Variants in FAHD2A observed in about 807,000 individuals in gnomAD.
FAHD2A encodes oxaloacetate tautomerase FAHD2A, mitochondrial.
Under a neutral mutation model 33.4 loss-of-function variants are expected in FAHD2A, and 27 were observed. That is an observed-to-expected ratio of 0.81 (90% CI 0.60 to 1.11). The LOEUF is 1.11. Ranked by LOEUF, FAHD2A falls within the 50% of genes most tolerant of loss-of-function variation. The pLI, the probability that FAHD2A is intolerant of heterozygous loss-of-function variation, is 0.00. For missense variants in FAHD2A, 296 were observed against 395.0 expected (o/e 0.75, Z 2.12); for synonymous variants, 130 against 153.3 (o/e 0.85, Z 1.12).
chr2:95,411,730 C>T (rs1682547353), intron 5 of FAHD2A, among the ~76,000 whole-genome samples: 1 of 152,246 alleles, frequency 6.6e-6, no homozygotes, highest in Non-Finnish European at 1.5e-5. Flanking sequence ...CCCCTGCCAG[C>T]ATCCAGTACA....
intron 1 of FAHD2A, among the ~76,000 whole-genome samples, chr2:95,404,932 T>C (rs1167243401): frequency 6.6e-6 from 1 of 152,222 alleles, no homozygotes; most frequent in East Asian, 1.9e-4. Flanking sequence ...GACAGCCTGG[T>C]AGAGGTTCTA....
chr2:95,406,646 G>A (rs1681606932), intron 2 of FAHD2A, among the ~76,000 whole-genome samples: 1 of 152,154 alleles, frequency 6.6e-6, no homozygotes, highest in Admixed American at 6.5e-5. Context: ...AAGAGCCAGG[G>A]GAACGGGGTA....
At chr2:95,417,404 C>T (rs1292253266), downstream of FAHD2A, among the ~76,000 whole-genome samples, 3 of 152,050 alleles carry the variant, frequency 2.0e-5, no homozygotes, top group East Asian at 1.9e-4. Flanking sequence ...AGGCAAATTC[C>T]ACCATTCAGC....
chr2:95,411,111 T>A (rs1478943995), intron 5 of FAHD2A, 85 bp downstream of exon 5: 5 of 1,563,178 alleles, frequency 3.2e-6, no homozygotes, highest in Non-Finnish European at 4.3e-6. Context: ...CAGGTACATG[T>A]GGCACCTGCC....
At chr2:95,412,381 G>A in intron 5 of FAHD2A, 53 bp from the exon 6 acceptor site, 1 of 1,607,404 alleles carries the variant, frequency 6.2e-7, no homozygotes, top group Non-Finnish European at 8.5e-7. Context: ...TAAAATATTG[G>A]GGGGTTTGAG....
At chr2:95,408,707 G>A (rs1167221925) in intron 3 of FAHD2A, among the ~76,000 whole-genome samples, 3 of 152,216 alleles carry the variant, frequency 2.0e-5, no homozygotes, top group Non-Finnish European at 4.4e-5. Flanking sequence ...CCCATAGCAC[G>A]TTAGAATTAT....
chr2:95,414,199 A>G lies in FAHD2A; in HGVS notation c.*1242A>G. ...TGTCCGGCAGGGGGCAGCAGCCACCAGCAAACACCACTGCCTGCAGGAGCC... is the reference window on the plus strand; with the variant it reads ...TGTCCGGCAGGGGGCAGCAGCCACCGGCAAACACCACTGCCTGCAGGAGCC... On this transcript the variant is annotated 3_prime_UTR_variant, in exon 8 of 8. Coordinates refer to ENST00000233379, the MANE Select transcript of FAHD2A (RefSeq NM_016044.3). 1.3e-6 allele frequency: 2 copies of G among 1,587,938 alleles called. No individual in the cohort carries two copies. Among genetic ancestry groups the G allele is most frequent in the Non-Finnish European group, 1.7e-6 (2 of 1,168,442 alleles).
chr2:95,406,745 C>T (rs1363302953), intron 2 of FAHD2A, among the ~76,000 whole-genome samples, 196 bp from the exon 3 acceptor site: 2 of 152,174 alleles, frequency 1.3e-5, no homozygotes, highest in Non-Finnish European at 2.9e-5. Flanking sequence ...AGGAAATCAA[C>T]ACTGGATAAA....
At chr2:95,407,270 ACT>A (rs898047618) in intron 3 of FAHD2A, 113 bp downstream of exon 3, 15 of 1,480,810 alleles carry the variant, frequency 1.0e-5, no homozygotes, top group Middle Eastern at 2.5e-4. Context: ...TTCAGCAGAA[ACT>A]CTACAGGATT....
chr2:95,413,236 A>C lies in FAHD2A; in HGVS notation c.*279A>C, dbSNP rs1682819359. The C allele has an allele frequency of 7.5e-6, 9 of 1,203,526 alleles. No individual in the cohort carries two copies. The South Asian group carries it at 1.5e-4, about 20-fold the overall frequency. The allele number at this position is 1,203,526 out of a possible 1,614,324, so 74.6% of individuals were successfully genotyped here. A position where few individuals can be genotyped will look rare whatever the true frequency, so the allele number is the denominator to read the frequency against. On this transcript the variant is annotated 3_prime_UTR_variant, in exon 8 of 8. Coordinates refer to ENST00000233379, the MANE Select transcript of FAHD2A (RefSeq NM_016044.3). ...GAGAGCAAATACACACACATATGCC[A>C]AAAAGATGCTGCTGGGCTGGGGAAA... is the stretch of plus-strand genomic sequence containing the variant.
At position 95,410,950 on chromosome 2, in the gene FAHD2A, A is replaced by G. The variant is rs1573573081; in HGVS notation, c.609A>G (p.Lys203=). 1 of 1,614,002 alleles carries G rather than the reference A, an allele frequency of 6.2e-7. No homozygotes were observed. The highest frequency in any genetic ancestry group is 8.5e-7 in the Non-Finnish European group (1 of 1,179,864). Residue 203 remains lysine, a synonymous_variant, in exon 5 of 8, where the codon AAA becomes AAG. Transcript: ENST00000233379. ...ARDWQMRRNG[K]QWLLGKTFDT... ...ACTGGCAAATGAGACGTAATGGGAA[A>G]CAATGGCTGCTGGGAAAAACCTTCG...
chr2:95,420,462 A>G (rs1241615824), downstream of FAHD2A, among the ~76,000 whole-genome samples: 1 of 151,760 alleles, frequency 6.6e-6, no homozygotes, highest in African/African-American at 2.4e-5. Context: ...CAGTGAGCAA[A>G]TCCCCCTGGG....
chr2:95,408,454 T>G (rs945580086), intron 3 of FAHD2A, among the ~76,000 whole-genome samples: 4 of 152,022 alleles, frequency 2.6e-5, no homozygotes, highest in African/African-American at 7.2e-5. Flanking sequence ...GACTGAGCAA[T>G]TTACAAAAAA....
chr2:95,413,257 G>A lies in FAHD2A; in HGVS notation c.*300G>A, dbSNP rs1024968473. The A allele has an allele frequency of 6.1e-6, 8 of 1,304,004 alleles. No individual in the cohort carries two copies. The highest frequency in any genetic ancestry group is 3.2e-5 in the South Asian group (2 of 62,284). The allele number at this position is 1,304,004 out of a possible 1,614,324, so 80.8% of individuals were successfully genotyped here. ...TGCCAAAAAGATGCTGCTGGGCTGG[G>A]GAAAAGACAATTCGTGTCGTCCCCT... On this transcript the variant is annotated 3_prime_UTR_variant, in exon 8 of 8. Coordinates refer to ENST00000233379, the MANE Select transcript of FAHD2A (RefSeq NM_016044.3).
intron 3 of FAHD2A, 158 bp downstream of exon 3, chr2:95,407,315 A>C: frequency 9.0e-7 from 1 of 1,109,824 alleles, no homozygotes; most frequent in Non-Finnish European, 1.3e-6. Flanking sequence ...CCTTGGAAAA[A>C]AAAAGTTAAT....
downstream of FAHD2A, among the ~76,000 whole-genome samples, chr2:95,418,954 G>C (rs1254395506): frequency 6.6e-6 from 1 of 152,048 alleles, no homozygotes; most frequent in Non-Finnish European, 1.5e-5. Flanking sequence ...CCTTGTAAGA[G>C]AGAGAAAGAT....
At position 95,406,983 on chromosome 2, in the gene FAHD2A, A is replaced by G. The variant is rs1681682760; in HGVS notation, c.288A>G (p.Val96=). 2 of 1,613,842 alleles carry G rather than the reference A, an allele frequency of 1.2e-6. No individual in the cohort carries two copies. The highest frequency in any genetic ancestry group is 1.1e-5 in the South Asian group (1 of 91,066). Residue 96 remains valine (V), a synonymous_variant, in exon 3 of 8, where the codon GTA becomes GTG. Coordinates refer to ENST00000233379, the MANE Select transcript of FAHD2A (RefSeq NM_016044.3). ...AQLPVLPRSE[V]TFLAPVTRPD... ...TGCCAGTCCTACCACGGTCGGAGGT[A>G]ACCTTCCTGGCTCCAGTCACACGAC...
rs533112792 is a variant in FAHD2A, at chr2:95,414,315, A to T, written c.*1358A>T. 5.7e-6 allele frequency: 6 copies of T among 1,049,034 alleles called. No homozygotes were observed. In the East Asian group the frequency reaches 1.2e-4, roughly 21 times the overall value. The allele number at this position is 1,049,034 out of a possible 1,614,324, so 65.0% of individuals were successfully genotyped here. A position where few individuals can be genotyped will look rare whatever the true frequency, so the allele number is the denominator to read the frequency against. ...ACAGCTGTTGGAGAGGAGAAGAAAA[A>T]GAAGACATCAAAAAGAAAATCTAGT... On this transcript the variant is annotated 3_prime_UTR_variant, in exon 8 of 8. Transcript: ENST00000233379.
At chr2:95,419,526 A>G (rs1396397779), downstream of FAHD2A, among the ~76,000 whole-genome samples, 1 of 152,030 alleles carries the variant, frequency 6.6e-6, no homozygotes, top group Non-Finnish European at 1.5e-5. Context: ...CCTAGATCCT[A>G]TAGAAAGTAG....
Sources: allele counts gnomAD v4.1 joint callset (sites outside exome capture counted in the v4.1 genomes callset), GRCh38; gene constraint gnomAD v4.1.1; transcripts MANE v1.5; gene names NCBI Gene and HGNC (gene_info 2026-07-23, HGNC 2026-07-21).